DPP10: variants seen among roughly 807,000 people sequenced by gnomAD.
DPP10 encodes dipeptidyl peptidase like 10, also known as inactive dipeptidyl peptidase 10.
DPP10 carries 33 observed loss-of-function variants against 120.9 expected under a neutral mutation model. The observed-to-expected ratio is 0.27, with a 90% CI of 0.21 to 0.37. DPP10 has a LOEUF of 0.37. Ranked by LOEUF, DPP10 falls within the 10% of genes least tolerant of loss-of-function variation. The pLI, the probability that DPP10 is intolerant of heterozygous loss-of-function variation, is 1.00. For missense variants in DPP10, 816 were observed against 942.8 expected (o/e 0.87, Z 1.76); for synonymous variants, 337 against 326.1 (o/e 1.03, Z -0.36).
intron 1 of DPP10, among the ~76,000 whole-genome samples, chr2:114,677,101 G>A (rs12478101): frequency 0.048 from 7,319 of 152,082 alleles, 211 homozygotes; most frequent in South Asian, 0.088. Flanking sequence ...ATCCTCCCCG[G>A]CTCATCAGCT....
At chr2:115,009,586 GA>G (rs112056191) in intron 1 of DPP10, among the ~76,000 whole-genome samples, 2,292 of 126,594 alleles carry the variant, frequency 0.018, 53 homozygotes, top group African/African-American at 0.055. Flanking sequence ...AATAATAAAA[GA>G]AAAAAAAAAA....
chr2:114,818,404 C>T (rs927003736), intron 1 of DPP10, among the ~76,000 whole-genome samples: 1 of 152,088 alleles, frequency 6.6e-6, no homozygotes. Context: ...CAAATTACTA[C>T]TTGCTTTTAT....
chr2:115,474,965 C>T (rs2074980384), intron 3 of DPP10, among the ~76,000 whole-genome samples: 1 of 152,056 alleles, frequency 6.6e-6, no homozygotes, highest in Non-Finnish European at 1.5e-5. Flanking sequence ...GGACACTACT[C>T]CCCATATCTC....
intron 1 of DPP10, among the ~76,000 whole-genome samples, chr2:115,133,941 T>C (rs1341963233): frequency 6.6e-6 from 1 of 152,190 alleles, no homozygotes; most frequent in African/African-American, 2.4e-5. Flanking sequence ...GGAACACTCA[T>C]CACGCTACAG....
At chr2:114,820,704 C>T (rs1427536885) in intron 1 of DPP10, among the ~76,000 whole-genome samples, 1 of 152,172 alleles carries the variant, frequency 6.6e-6, no homozygotes, top group Non-Finnish European at 1.5e-5. Flanking sequence ...TGAGAACTCA[C>T]TCACTATCAC....
At chr2:115,268,493 A>C (rs188849404) in intron 1 of DPP10, among the ~76,000 whole-genome samples, 48 of 152,336 alleles carry the variant, frequency 3.2e-4, no homozygotes, top group African/African-American at 1.1e-3. Flanking sequence ...TATTTCTTTC[A>C]ACAAATTATT....
rs1680641838 is a variant in DPP10 at position 114,477,931 on chromosome 2, A to ATATGTGTATATATGTACATATATGTGTG, written c.60+35097_60+35124dup. On this transcript the variant is annotated intron_variant, in intron 1 of 25. Coordinates refer to ENST00000410059, the MANE Select transcript of DPP10 (RefSeq NM_020868.6). ...TGTACATATATGTGTATATATGTAC[A>ATATGTGTATATATGTACATATATGTGTG]TATGTGTATATATGTACATATATGT... Among the ~76,000 whole-genome samples, 8 of 144,374 alleles carry ATATGTGTATATATGTACATATATGTGTG rather than the reference A, an allele frequency of 5.5e-5. No individual in the cohort carries two copies. The South Asian group carries it at 1.5e-3, about 27-fold the overall frequency. 94.7% of individuals were successfully genotyped at this position (144,374 alleles called of 152,430 possible). A position where few individuals can be genotyped will look rare whatever the true frequency, so the allele number is the denominator to read the frequency against.
At chr2:114,771,119 A>G (rs76470935) in intron 1 of DPP10, among the ~76,000 whole-genome samples, 2,780 of 152,328 alleles carry the variant, frequency 0.018, 47 homozygotes, top group African/African-American at 0.048. Flanking sequence ...AAAATCCTGT[A>G]AGCATCAGTA....
chr2:115,452,095 ATT>A (rs1341032494), intron 3 of DPP10, among the ~76,000 whole-genome samples: 2 of 151,798 alleles, frequency 1.3e-5, no homozygotes, highest in Non-Finnish European at 2.9e-5. Flanking sequence ...ACTAGAACAG[ATT>A]TTCTCATTCT....
chr2:114,797,305 T>C (rs1400644028), intron 1 of DPP10, among the ~76,000 whole-genome samples: 1 of 152,184 alleles, frequency 6.6e-6, no homozygotes. Context: ...CCTAAGTTTC[T>C]TGTGAGGCGT....
At chr2:115,746,210 G>A (rs1677952104) in intron 10 of DPP10, 27 bp downstream of exon 10, 8 of 1,537,056 alleles carry the variant, frequency 5.2e-6, no homozygotes, top group Middle Eastern at 1.7e-4. Flanking sequence ...TCACTTTTAT[G>A]GGGAAATAGA....
intron 1 of DPP10, among the ~76,000 whole-genome samples, chr2:115,130,518 A>G (rs938174620): frequency 2.0e-5 from 3 of 151,122 alleles, no homozygotes; most frequent in Non-Finnish European, 4.4e-5. Flanking sequence ...CCATCCATCC[A>G]TCCATCCATC....
At chr2:115,089,889 ACTAGGAAATAGTTGGTTC>A (rs1482523241) in intron 1 of DPP10, among the ~76,000 whole-genome samples, 8 of 152,180 alleles carry the variant, frequency 5.3e-5, no homozygotes, top group Non-Finnish European at 7.3e-5. Flanking sequence ...TATCTCTTAA[ACTAGGAAATAGTTGGTTC>A]CTAGGAAATA....
At chr2:115,770,041 G>C (rs974908721) in intron 13 of DPP10, among the ~76,000 whole-genome samples, 1 of 152,068 alleles carries the variant, frequency 6.6e-6, no homozygotes, top group Non-Finnish European at 1.5e-5. Flanking sequence ...GTACGTCTTT[G>C]TGTATGTAAT....
At chr2:115,028,110 C>T (rs1703596114) in intron 1 of DPP10, among the ~76,000 whole-genome samples, 1 of 151,856 alleles carries the variant, frequency 6.6e-6, no homozygotes, top group Non-Finnish European at 1.5e-5. Context: ...TTTTCTGCTC[C>T]AATTTTTATT....
intron 1 of DPP10, among the ~76,000 whole-genome samples, chr2:115,193,640 C>T (rs2055039971): frequency 6.6e-6 from 1 of 152,090 alleles, no homozygotes; most frequent in African/African-American, 2.4e-5. Context: ...ATGTATGGAC[C>T]ACTCAAAAGG....
chr2:115,553,320 A>T (rs574157782), intron 5 of DPP10, among the ~76,000 whole-genome samples: 1 of 152,058 alleles, frequency 6.6e-6, no homozygotes, highest in African/African-American at 2.4e-5. Context: ...CTCCATAGCT[A>T]TTCTTCTTGC....
intron 1 of DPP10, among the ~76,000 whole-genome samples, chr2:114,672,743 A>G (rs1466155243): frequency 6.6e-6 from 1 of 152,122 alleles, no homozygotes; most frequent in Non-Finnish European, 1.5e-5. Flanking sequence ...TTGAAACTGC[A>G]TTTGTTACTT....
intron 1 of DPP10, among the ~76,000 whole-genome samples, chr2:114,506,690 C>G (rs1683687803): frequency 6.6e-6 from 1 of 152,158 alleles, no homozygotes; most frequent in South Asian, 2.1e-4. Flanking sequence ...GTCCACTCAC[C>G]TGCTCTCCCC....
Sources: allele counts gnomAD v4.1 joint callset (sites outside exome capture counted in the v4.1 genomes callset), GRCh38; gene constraint gnomAD v4.1.1; transcripts MANE v1.5; gene names NCBI Gene and HGNC (gene_info 2026-07-23, HGNC 2026-07-21).